FMNL1: variants seen among roughly 807,000 people sequenced by gnomAD.
FMNL1 encodes the protein formin like 1, also known as formin-like protein 1.
Under a neutral mutation model 121.3 loss-of-function variants are expected in FMNL1, and 43 were observed. The ratio of observed to expected loss-of-function variants is 0.35; its 90% CI spans 0.28 to 0.46. The LOEUF is 0.46. Among genes scored for constraint, FMNL1 ranks in the 20% least tolerant of loss-of-function variants. The pLI, the probability that FMNL1 is intolerant of heterozygous loss-of-function variation, is 1.00. For synonymous variants in FMNL1, 613 were observed against 613.5 expected, an observed-to-expected ratio of 1.00 and a Z score of 0.01; for missense variants, 1,191 against 1,482.4, an observed-to-expected ratio of 0.80 and a Z score of 3.23.
chr17:45,237,655 AC>A lies in FMNL1; in HGVS notation c.894+19del. 6.2e-7 allele frequency: 1 copy of A among 1,613,046 alleles called. No homozygotes were observed. The highest frequency in any genetic ancestry group is 8.5e-7 in the Non-Finnish European group (1 of 1,179,154). ...CTTCAAGGAGGTACCGGAGTCCCTCACCCAAACATGCATTTCCCCCTATGGT... is the reference window on the plus strand; with the variant it reads ...CTTCAAGGAGGTACCGGAGTCCCTCACCAAACATGCATTTCCCCCTATGGT... On this transcript the variant is annotated intron_variant, in intron 9 of 26. Coordinates refer to ENST00000331495, the MANE Select transcript of FMNL1 (RefSeq NM_005892.4). This position sits in a 1 kb window ranked among gnomAD's most constrained non-coding sequence, Gnocchi z 4.4.
At chr17:45,227,285 G>C (rs1211498058) in intron 1 of FMNL1, among the ~76,000 whole-genome samples, 1 of 152,108 alleles carries the variant, frequency 6.6e-6, no homozygotes, top group Non-Finnish European at 1.5e-5. Flanking sequence ...TCCAGATGTG[G>C]ACGCAGCCCC....
In FMNL1 at chr17:45,233,905, G is replaced by T; in HGVS notation, c.486-167G>T. The T allele has an allele frequency of 7.7e-7, 1 of 1,303,756 alleles. No homozygotes were observed. The highest frequency in any genetic ancestry group is 1.5e-5 in the African/African-American group (1 of 67,472). 80.8% of individuals were successfully genotyped at this position (1,303,756 alleles called of 1,614,324 possible). On this transcript the variant is annotated intron_variant, in intron 5 of 26. Coordinates refer to ENST00000331495, the MANE Select transcript of FMNL1 (RefSeq NM_005892.4). The surrounding 1 kb of genome is among the most constrained non-coding windows in gnomAD (Gnocchi z 4.1). ...CAGAAGGCCTGCCCCCGACAGGGAG[G>T]GGTGGCCTCTCTTCCACCACTATGT... is the stretch of plus-strand genomic sequence containing the variant.
intron 1 of FMNL1, among the ~76,000 whole-genome samples, chr17:45,227,977 G>C (rs371326102): frequency 1.3e-5 from 2 of 152,038 alleles, no homozygotes; most frequent in Non-Finnish European, 2.9e-5. Flanking sequence ...CAGGTATCCC[G>C]CCCACCTGGA....
In FMNL1 at chr17:45,245,096, A is replaced by G; in HGVS notation, c.2716A>G (p.Lys906Glu). The G allele has an allele frequency of 6.2e-7, 1 of 1,614,150 alleles. No individual in the cohort carries two copies. The highest frequency in any genetic ancestry group is 2.2e-5 in the East Asian group (1 of 44,880). Residue 906 changes from lysine to glutamate, a missense_variant, in exon 21 of 27, where the codon AAG becomes GAG. Around this residue, in one of 4 missense-constraint regions of FMNL1, gnomAD observed 367 missense variants for 528.6 expected, o/e 0.69. Coordinates refer to ENST00000331495, the MANE Select transcript of FMNL1 (RefSeq NM_005892.4). ...CCACAGCGACCTGCACTTCCTGGACAAGGCGGGCTCAGGTAGGAGACACAC... is the reference window on the plus strand; with the variant it reads ...CCACAGCGACCTGCACTTCCTGGACGAGGCGGGCTCAGGTAGGAGACACAC... ...GFHSDLHFLD[K>E]AGSVSLDSVL... is the part of the protein sequence containing the mutation.
In FMNL1 at chr17:45,241,846, G is replaced by T; in HGVS notation, c.1586-1G>T. The T allele has an allele frequency of 1.4e-6, 2 of 1,430,444 alleles. No homozygotes were observed. Among genetic ancestry groups the T allele is most frequent in the East Asian group, 5.6e-5 (2 of 35,560 alleles). The allele number at this position is 1,430,444 out of a possible 1,614,324, so 88.6% of individuals were successfully genotyped here. A position where few individuals can be genotyped will look rare whatever the true frequency, so the allele number is the denominator to read the frequency against. On this transcript the variant is annotated splice_acceptor_variant, in intron 14 of 26. Coordinates refer to ENST00000331495, the MANE Select transcript of FMNL1 (RefSeq NM_005892.4). LOFTEE classifies it high-confidence loss of function. The surrounding 1 kb of genome is among the most constrained non-coding windows in gnomAD (Gnocchi z 7.0). Reference sequence around the variant, plus strand: ...CCCACGCCGCGCCCTCGCTGGCTCAGATCTCGCACCTGCAGCAGAGCCGGC... The same window carrying T: ...CCCACGCCGCGCCCTCGCTGGCTCATATCTCGCACCTGCAGCAGAGCCGGC...
chr17:45,240,361 G>C (rs2043657720), intron 11 of FMNL1, 115 bp from the exon 12 acceptor site: 1 of 1,107,906 alleles, frequency 9.0e-7, no homozygotes, highest in African/African-American at 1.6e-5. Flanking sequence ...AGAAAAAGTA[G>C]GCTAGGGCTC....
intron 7 of FMNL1, 91 bp downstream of exon 7, chr17:45,236,335 T>G (rs2043549839): frequency 3.7e-6 from 4 of 1,074,410 alleles, no homozygotes; most frequent in Non-Finnish European, 1.4e-6. Flanking sequence ...GGATCCACTG[T>G]CCCTTTACCC....
intron 1 of FMNL1, among the ~76,000 whole-genome samples, chr17:45,230,348 G>T (rs370782903): frequency 6.6e-6 from 1 of 152,144 alleles, no homozygotes; most frequent in Non-Finnish European, 1.5e-5. Context: ...GAGGCGGTGT[G>T]GGGGGTGACA....
Position 45,244,998 on chromosome 17 carries a change from C to G in FMNL1, c.2618C>G (p.Thr873Ser). The G allele has an allele frequency of 6.2e-7, 1 of 1,613,698 alleles. No homozygotes were observed. Among genetic ancestry groups the G allele is most frequent in the Non-Finnish European group, 8.5e-7 (1 of 1,179,654 alleles). The part of the protein sequence containing the change: ...SLDALLEMKS[T>S]DRKQTLLHYL... ...GTGCAGCTGTTGGAGATGAAGTCGA[C>G]TGATCGCAAGCAGACGCTGCTGCAC... The change falls in exon 21 of 27, where the codon ACT becomes AGT. Residue 873 changes from threonine to serine, a missense_variant. Thr to Ser is a moderately conservative substitution (Grantham distance 58, BLOSUM62 1). Around this residue, in one of 4 missense-constraint regions of FMNL1, gnomAD observed 367 missense variants for 528.6 expected, o/e 0.69. Transcript: ENST00000331495.
chr17:45,245,215 C>T (rs376114672), intron 21 of FMNL1, 38 bp from the exon 22 acceptor site: 71 of 1,613,234 alleles, frequency 4.4e-5, no homozygotes, highest in Admixed American at 1.2e-4. Context: ...GCTGCCTCTC[C>T]GATTCACTGA....
chr17:45,245,334 A>G lies in FMNL1; in HGVS notation c.2810A>G (p.Asp937Gly). The change falls in exon 22 of 27, where the codon GAT becomes GGT. Residue 937 changes from aspartate (D) to glycine (G), a missense_variant. Physicochemically the swap from Asp to Gly is moderately conservative, Grantham distance 94. This residue lies in a region of FMNL1 where 367 missense variants were observed against 528.6 expected (regional missense o/e 0.69). Coordinates refer to ENST00000331495, the MANE Select transcript of FMNL1 (RefSeq NM_005892.4). ...ACACAGAGAGAGTTTGTGCGGCAGG[A>G]TGACTGCATGGTGCTCAAGGAGTTC... The part of the protein sequence containing the change: ...ELTQREFVRQ[D>G]DCMVLKEFLR... 3.7e-6 allele frequency: 6 copies of G among 1,614,164 alleles called. No homozygotes were observed. Among genetic ancestry groups the G allele is most frequent in the Non-Finnish European group, 5.1e-6 (6 of 1,180,020 alleles).
At chr17:45,225,612 C>T (rs1012658498) in intron 1 of FMNL1, among the ~76,000 whole-genome samples, 3 of 152,100 alleles carry the variant, frequency 2.0e-5, no homozygotes, top group Admixed American at 6.5e-5. Context: ...CTGGGTGAGA[C>T]GGGTAGAAGC....
chr17:45,236,344 C>T, intron 7 of FMNL1, 100 bp downstream of exon 7: 1 of 989,590 alleles, frequency 1.0e-6, no homozygotes, highest in Non-Finnish European at 1.5e-6. Flanking sequence ...GTCCCTTTAC[C>T]CTGTGCTGTG....
chr17:45,240,475 G>C lies in FMNL1; in HGVS notation c.1081-1G>C. The C allele has an allele frequency of 6.2e-7, 1 of 1,609,028 alleles. No homozygotes were observed. Among genetic ancestry groups the C allele is most frequent in the Non-Finnish European group, 8.5e-7 (1 of 1,177,108 alleles). On this transcript the variant is annotated splice_acceptor_variant, in intron 11 of 26. Coordinates refer to ENST00000331495, the MANE Select transcript of FMNL1 (RefSeq NM_005892.4). LOFTEE classifies it high-confidence loss of function. ...CCCCACTCCTTCCATCTGGGGGACA[G>C]AGGCTTCGGCTCACCGAGAGTGACA...
At position 45,241,301 on chromosome 17, in the gene FMNL1, C is replaced by T; in HGVS notation, c.1332+71C>T. 5 of 1,606,478 alleles carry T rather than the reference C, an allele frequency of 3.1e-6. No individual in the cohort carries two copies. Among genetic ancestry groups the T allele is most frequent in the Non-Finnish European group, 4.3e-6 (5 of 1,176,264 alleles). The stretch of plus-strand genomic sequence containing the variant: ...GCTGAGGCTTCTAGGCTTGACATCT[C>T]CCTCCACCCCGGGAAGAAGATGGAG... On this transcript the variant is annotated intron_variant, in intron 13 of 26. Coordinates refer to ENST00000331495, the MANE Select transcript of FMNL1 (RefSeq NM_005892.4). This position sits in a 1 kb window ranked among gnomAD's most constrained non-coding sequence, Gnocchi z 7.0.
intron 1 of FMNL1, among the ~76,000 whole-genome samples, chr17:45,229,768 T>A (rs575176763): frequency 2.0e-5 from 3 of 152,222 alleles, no homozygotes; most frequent in African/African-American, 7.2e-5. Flanking sequence ...CGTACCCTTG[T>A]CATCTGTGGC....
chr17:45,222,307 G>T (rs1047640155), intron 1 of FMNL1, 54 bp downstream of exon 1: 22 of 1,142,166 alleles, frequency 1.9e-5, no homozygotes, highest in Admixed American at 4.8e-5. Flanking sequence ...CAGGGGCGCG[G>T]CAGGGGCTGG....
At position 45,233,727 on chromosome 17, in the gene FMNL1, G is replaced by C; in HGVS notation, c.481G>C (p.Val161Leu). ...GTACCTGGCCTTTGCCCAGTGCTCT[G>C]TCACGTAAGCCCCCTGCTCCCAGCC... ...LEYLAFAQCS[V>L]TYDMESTDNG... is the part of the protein sequence containing the mutation. Residue 161 changes from valine (V) to leucine (L), a missense_variant, in exon 5 of 27, where the codon GTC (valine) becomes CTC (leucine). Coordinates refer to ENST00000331495, the MANE Select transcript of FMNL1 (RefSeq NM_005892.4). This position sits in a 1 kb window ranked among gnomAD's most constrained non-coding sequence, Gnocchi z 4.1. The C allele has an allele frequency of 6.2e-7, 1 of 1,613,870 alleles. No homozygotes were observed. Among genetic ancestry groups the C allele is most frequent in the Non-Finnish European group, 8.5e-7 (1 of 1,179,944 alleles).
At chr17:45,246,186 G>C (rs2043828684) in intron 24 of FMNL1, 24 bp from the exon 25 acceptor site, 5 of 1,594,588 alleles carry the variant, frequency 3.1e-6, no homozygotes, top group African/African-American at 1.3e-5. Flanking sequence ...GCATCCTGGA[G>C]CTGGAGCTAT....
Sources: allele counts gnomAD v4.1 joint callset (sites outside exome capture counted in the v4.1 genomes callset), GRCh38; gene constraint gnomAD v4.1.1; regional missense constraint gnomAD v4.1.1; non-coding constraint Gnocchi (gnomAD v3.1); transcripts MANE v1.5; gene names NCBI Gene and HGNC (gene_info 2026-07-23, HGNC 2026-07-21).